Variants in ABR observed in about 807,000 individuals in gnomAD.
ABR encodes active breakpoint cluster region-related protein.
A neutral mutation model predicts 107.2 loss-of-function variants in ABR; 35 were observed. The ratio of observed to expected loss-of-function variants is 0.33; its 90% confidence interval spans 0.25 to 0.43. The LOEUF is 0.43. Among genes scored for constraint, ABR ranks in the 20% least tolerant of loss-of-function variants. The pLI, the probability that ABR is intolerant of heterozygous loss-of-function variation, is 1.00. For synonymous variants in ABR, 498 were observed against 462.0 expected (o/e 1.08, Z -1.00); for missense variants, 815 against 1,115.2 (o/e 0.73, Z 3.83).
intron 1 of ABR, among the ~76,000 whole-genome samples, chr17:1,219,062 T>TTTGA (rs57849007): frequency 0.21 from 30,466 of 143,890 alleles, 8,178 homozygotes; most frequent in Middle Eastern, 0.25. Context: ...TGTTTGTTTG[T>TTTGA]AACAGAGTCT....
chr17:1,044,931 AAAG>A (rs1277548813), intron 16 of ABR, among the ~76,000 whole-genome samples: 1 of 152,246 alleles, frequency 6.6e-6, no homozygotes, highest in African/African-American at 2.4e-5. Flanking sequence ...AGATTTCTAC[AAAG>A]AATATAAAGT....
At chr17:1,013,442 C>T (rs946324751) in intron 16 of ABR, among the ~76,000 whole-genome samples, 17 of 150,198 alleles carry the variant, frequency 1.1e-4, no homozygotes, top group Admixed American at 6.6e-4. Flanking sequence ...AGGGCACACT[C>T]TGTTACCCAC....
rs2072254782 is a variant in ABR, at chr17:1,027,029, TG to T, written c.1792-13866del. 6.8e-6 allele frequency among the ~76,000 whole-genome samples: 1 copy of T among 148,090 alleles called. No homozygotes were observed. Among genetic ancestry groups the T allele is most frequent in the South Asian group, 2.2e-4 (1 of 4,650 alleles). On this transcript the variant is annotated intron_variant, in intron 16 of 22. Transcript: ENST00000302538. This position sits in a 1 kb window ranked among gnomAD's most constrained non-coding sequence, Gnocchi z 4.7. ...TCCCCCAGACTCACACCTGCAGGCT[TG>T]GGGGCTCCTTCCAAAATGCCTGGGG...
chr17:1,080,219 C>G (rs2036119500), intron 5 of ABR, among the ~76,000 whole-genome samples: 1 of 152,084 alleles, frequency 6.6e-6, no homozygotes, highest in Non-Finnish European at 1.5e-5. Flanking sequence ...ACTTACTCAG[C>G]CCCCAGCACC....
chr17:1,210,211 G>A lies in ABR; in HGVS notation c.838+18582C>T, dbSNP rs561975133. On this transcript the variant is annotated intron_variant, in intron 1 of 22. Transcript: ENST00000574139. The surrounding 1 kb of genome is among the most constrained non-coding windows in gnomAD (Gnocchi z 5.6). ...GTGGGGGCTGTCACTTTTTACCTGC[G>A]TAGAAAGTTCTGACCTAAGCCGGGC... is the stretch of plus-strand genomic sequence containing the variant. 7.2e-5 allele frequency among the ~76,000 whole-genome samples: 11 copies of A among 152,268 alleles called. No individual in the cohort carries two copies. Among genetic ancestry groups the A allele is most frequent in the East Asian group, 3.9e-4 (2 of 5,178 alleles).
At chr17:1,169,240 T>C (rs1202025025) in intron 1 of ABR, among the ~76,000 whole-genome samples, 1 of 152,124 alleles carries the variant, frequency 6.6e-6, no homozygotes, top group Non-Finnish European at 1.5e-5. Context: ...CCCCTCAGGG[T>C]GCCCCCCATG....
chr17:1,199,252 A>G (rs1355700827), intron 1 of ABR, among the ~76,000 whole-genome samples: 1 of 150,866 alleles, frequency 6.6e-6, no homozygotes, highest in Non-Finnish European at 1.5e-5. Context: ...AGAGGCAGTG[A>G]GCCAGGGCCC....
chr17:1,153,020 C>T lies in ABR; in HGVS notation c.61+26647G>A, dbSNP rs559024488. Among the ~76,000 whole-genome samples the T allele has an allele frequency of 7.2e-5, 11 of 152,098 alleles. No individual in the cohort carries two copies. In the East Asian group the frequency reaches 2.1e-3, roughly 29 times the overall value. ...AGGAGAATCGCCTGAACCAATGAGC[C>T]GAGATTGCACCATTGCACTCCAGCC... On this transcript the variant is annotated intron_variant, in intron 1 of 22. Coordinates refer to ENST00000302538, the MANE Select transcript of ABR (RefSeq NM_021962.5).
At chr17:1,069,770 G>A (rs1199402392) in intron 9 of ABR, among the ~76,000 whole-genome samples, 199 bp downstream of exon 9, 4 of 111,726 alleles carry the variant, frequency 3.6e-5, no homozygotes, top group African/African-American at 1.0e-4. Context: ...CACTCACCCC[G>A]CAGAGGTCAG....
chr17:1,059,367 T>C (rs1397055380), intron 10 of ABR, among the ~76,000 whole-genome samples: 4 of 152,232 alleles, frequency 2.6e-5, no homozygotes, highest in Non-Finnish European at 5.9e-5. Context: ...CACGTGGCCC[T>C]GGGCGGGGTG....
chr17:1,067,939 T>A (rs1597653525), intron 9 of ABR, among the ~76,000 whole-genome samples: 1 of 152,186 alleles, frequency 6.6e-6, no homozygotes, highest in African/African-American at 2.4e-5. Flanking sequence ...TTTTAAATTA[T>A]TTTTATTTTG....
intron 2 of ABR, among the ~76,000 whole-genome samples, chr17:1,114,169 CA>C (rs72267709): frequency 5.0e-4 from 66 of 131,472 alleles, no homozygotes; most frequent in Middle Eastern, 4.5e-3. Flanking sequence ...GACCCTGTCT[CA>C]AAAAAAAAAA....
intron 16 of ABR, among the ~76,000 whole-genome samples, chr17:1,026,344 C>T (rs1037378398): frequency 6.6e-6 from 1 of 152,250 alleles, no homozygotes; most frequent in Non-Finnish European, 1.5e-5. Context: ...GGAGGCCTCC[C>T]CGAGCACAGC....
intron 16 of ABR, among the ~76,000 whole-genome samples, chr17:1,045,541 G>C (rs1026910147): frequency 6.6e-6 from 1 of 152,228 alleles, no homozygotes; most frequent in Non-Finnish European, 1.5e-5. Context: ...CCAGCTGCCC[G>C]CCCTGGCCCA....
At chr17:1,214,097 G>A (rs1250814888) in intron 1 of ABR, among the ~76,000 whole-genome samples, 1 of 151,978 alleles carries the variant, frequency 6.6e-6, no homozygotes, top group Non-Finnish European at 1.5e-5. Context: ...ATGTTGGTCA[G>A]GCTGGTCTCG....
At chr17:1,061,958 T>A (rs2033994392) in intron 10 of ABR, among the ~76,000 whole-genome samples, 1 of 152,122 alleles carries the variant, frequency 6.6e-6, no homozygotes, top group Admixed American at 6.5e-5. Flanking sequence ...ACAATGCAAT[T>A]ACAATTCAGT....
intron 1 of ABR, among the ~76,000 whole-genome samples, chr17:1,162,231 C>T (rs1391760693): frequency 2.0e-5 from 3 of 152,356 alleles, no homozygotes; most frequent in East Asian, 1.9e-4. Flanking sequence ...CGTGAACACA[C>T]GTCGCCAGCA....
chr17:1,195,261 C>T lies in ABR; in HGVS notation c.838+33532G>A, dbSNP rs1386520287. Among the ~76,000 whole-genome samples, 33 of 139,080 alleles carry T rather than the reference C, an allele frequency of 2.4e-4. No homozygotes were observed. In the South Asian group the frequency reaches 7.3e-3, roughly 31 times the overall value. 91.2% of individuals were successfully genotyped at this position (139,080 alleles called of 152,430 possible). On this transcript the variant is annotated intron_variant, in intron 1 of 22. Coordinates refer to the ABR transcript ENST00000574139. ...GGCGGAGCTTGCAGTGAGCGGAGATCGCGCCACAGCACTCCAGCCTGGGCG... is the reference window on the plus strand; with the variant it reads ...GGCGGAGCTTGCAGTGAGCGGAGATTGCGCCACAGCACTCCAGCCTGGGCG...
In ABR at chr17:1,069,963, A is replaced by G; in HGVS notation, c.1016+6T>C. ...CCGCCCCGTGCCCCTGGACTCACAC[A>G]CTCACCCTGCAGAGGTCTTCTTCAG... On this transcript the variant is annotated splice_donor_region_variant and intron_variant, in intron 9 of 22. Coordinates refer to ENST00000302538, the MANE Select transcript of ABR (RefSeq NM_021962.5). 2 of 1,529,618 alleles carry G rather than the reference A, an allele frequency of 1.3e-6. No individual in the cohort carries two copies. Among genetic ancestry groups the G allele is most frequent in the Non-Finnish European group, 1.8e-6 (2 of 1,129,824 alleles). 94.8% of individuals were successfully genotyped at this position (1,529,618 alleles called of 1,614,324 possible).
Sources: allele counts gnomAD v4.1 joint callset (sites outside exome capture counted in the v4.1 genomes callset), GRCh38; gene constraint gnomAD v4.1.1; non-coding constraint Gnocchi (gnomAD v3.1); transcripts MANE v1.5; gene names NCBI Gene and HGNC (gene_info 2026-07-23, HGNC 2026-07-21).